The following ACVR2A variants were observed in gnomAD, a reference collection of about 807,000 sequenced individuals.
The protein encoded by ACVR2A is activin receptor type-2A.
In ACVR2A, 7 loss-of-function variants were observed where a neutral mutation model predicts 61.4. The observed-to-expected ratio is 0.11, with a 90% CI of 0.06 to 0.21. The LOEUF (loss-of-function observed/expected upper bound fraction) is 0.21. Ranked by LOEUF, ACVR2A falls within the 10% of genes least tolerant of loss-of-function variation. The pLI, the probability that ACVR2A is intolerant of heterozygous loss-of-function variation, is 1.00. For missense variants in ACVR2A, 322 were observed against 621.7 expected, an observed-to-expected ratio of 0.52 and a Z score of 5.13; for synonymous variants, 193 against 208.3, an observed-to-expected ratio of 0.93 and a Z score of 0.63.
At chr2:147,913,578 T>C (rs1217427566) in intron 4 of ACVR2A, among the ~76,000 whole-genome samples, 1 of 151,852 alleles carries the variant, frequency 6.6e-6, no homozygotes, top group African/African-American at 2.4e-5. Flanking sequence ...TCCACATTCA[T>C]ATAAGCAGTC....
At chr2:147,857,532 T>TA (rs1003153545) in intron 1 of ACVR2A, among the ~76,000 whole-genome samples, 6,444 of 111,252 alleles carry the variant, frequency 0.058, 240 homozygotes, top group African/African-American at 0.13. Flanking sequence ...TGGTTTTCTT[T>TA]AAAAAAAAAA....
intron 1 of ACVR2A, among the ~76,000 whole-genome samples, chr2:147,865,362 AAAGAT>A (rs1226851698): frequency 6.6e-6 from 1 of 152,204 alleles, no homozygotes. Flanking sequence ...TAATTCTCTC[AAAGAT>A]TAAGGATTTT....
chr2:147,862,601 G>T (rs1012756423), intron 1 of ACVR2A, among the ~76,000 whole-genome samples: 2 of 151,922 alleles, frequency 1.3e-5, no homozygotes, highest in African/African-American at 4.8e-5. Context: ...AAAATTAGCC[G>T]GGTGTGGTAG....
intron 1 of ACVR2A, among the ~76,000 whole-genome samples, chr2:147,889,888 A>G (rs1476231695): frequency 6.6e-6 from 1 of 151,756 alleles, no homozygotes; most frequent in Non-Finnish European, 1.5e-5. Flanking sequence ...AGTACTTTGA[A>G]TATAGAACTA....
rs1262093935 is a variant in ACVR2A, at chr2:147,920,233, C to T, written c.966C>T (p.Asp322=). ...GAATACTCTTTTTATTTGCAAGGGACATCAAAAGTAAAAATGTGCTGTTGA... is the reference window on the plus strand; with the variant it reads ...GAATACTCTTTTTATTTGCAAGGGATATCAAAAGTAAAAATGTGCTGTTGA... The part of the protein sequence containing the change: ...DGHKPAISHR[D]IKSKNVLLKN... Residue 322 remains aspartate (D), a synonymous_variant, in exon 8 of 11, where the codon GAC becomes GAT. Coordinates refer to ENST00000241416, the MANE Select transcript of ACVR2A (RefSeq NM_001616.5). The T allele has an allele frequency of 2.5e-6, 4 of 1,606,088 alleles. No homozygotes were observed. Among genetic ancestry groups the T allele is most frequent in the Non-Finnish European group, 3.4e-6 (4 of 1,173,582 alleles).
chr2:147,924,468 A>G (rs1432815591), intron 9 of ACVR2A, among the ~76,000 whole-genome samples: 1 of 151,914 alleles, frequency 6.6e-6, no homozygotes, highest in Non-Finnish European at 1.5e-5. Flanking sequence ...AAATACAAGC[A>G]TGTGTTTTAG....
chr2:147,846,153 G>A (rs1685308567), intron 1 of ACVR2A, among the ~76,000 whole-genome samples: 1 of 152,100 alleles, frequency 6.6e-6, no homozygotes, highest in African/African-American at 2.4e-5. Flanking sequence ...CTAGCTGAAA[G>A]GTGTGCAGAT....
intron 1 of ACVR2A, among the ~76,000 whole-genome samples, chr2:147,877,160 A>G (rs1686178647): frequency 6.6e-6 from 1 of 152,108 alleles, no homozygotes; most frequent in Admixed American, 6.6e-5. Context: ...GTGCCCTATT[A>G]TTTGAACTTT....
chr2:147,871,778 C>T (rs1686025188), intron 1 of ACVR2A, among the ~76,000 whole-genome samples: 1 of 152,018 alleles, frequency 6.6e-6, no homozygotes, highest in African/African-American at 2.4e-5. Flanking sequence ...TTGCCTTCTA[C>T]TCTTTGGGGT....
At chr2:147,912,676 A>G (rs1228891574) in intron 4 of ACVR2A, among the ~76,000 whole-genome samples, 1 of 152,008 alleles carries the variant, frequency 6.6e-6, no homozygotes, top group African/African-American at 2.4e-5. Flanking sequence ...AGATGAATTT[A>G]AAGTTTCATT....
At chr2:147,873,363 A>G (rs898332343) in intron 1 of ACVR2A, among the ~76,000 whole-genome samples, 4 of 152,016 alleles carry the variant, frequency 2.6e-5, no homozygotes, top group Non-Finnish European at 5.9e-5. Flanking sequence ...ATATCATTTC[A>G]ATGCATAATC....
At chr2:147,921,846 ATTAG>A (rs980194263) in intron 8 of ACVR2A, among the ~76,000 whole-genome samples, 1 of 152,142 alleles carries the variant, frequency 6.6e-6, no homozygotes, top group Non-Finnish European at 1.5e-5. Flanking sequence ...GGGTTTTATG[ATTAG>A]TTAAAAATTA....
At chr2:147,845,355 C>CCCCCG in intron 1 of ACVR2A, 148 bp downstream of exon 1, 1 of 531,986 alleles carries the variant, frequency 1.9e-6, no homozygotes, top group Non-Finnish European at 3.1e-6. Context: ...ACCGCCCCCC[C>CCCCCG]CCCCCGCCCC....
At chr2:147,857,398 G>A (rs1225708844) in intron 1 of ACVR2A, among the ~76,000 whole-genome samples, 3 of 152,026 alleles carry the variant, frequency 2.0e-5, no homozygotes, top group African/African-American at 7.2e-5. Context: ...GAGCACAGAA[G>A]AGTAGAGGAG....
intron 1 of ACVR2A, among the ~76,000 whole-genome samples, chr2:147,874,985 T>A (rs1177697942): frequency 6.6e-6 from 1 of 152,002 alleles, no homozygotes; most frequent in Non-Finnish European, 1.5e-5. Flanking sequence ...AAATTTCCTG[T>A]CCACCAAATT....
At chr2:147,895,059 A>G in intron 1 of ACVR2A, among the ~76,000 whole-genome samples, 1 of 152,170 alleles carries the variant, frequency 6.6e-6, no homozygotes, top group South Asian at 2.1e-4. Context: ...GAAAAGATAT[A>G]TGTCATGAAT....
chr2:147,905,810 G>T (rs886091754), intron 4 of ACVR2A, among the ~76,000 whole-genome samples: 1 of 152,106 alleles, frequency 6.6e-6, no homozygotes. Context: ...GACAAGGCCA[G>T]TTGGAGATTG....
intron 4 of ACVR2A, among the ~76,000 whole-genome samples, chr2:147,910,006 G>A (rs1317039070): frequency 6.6e-6 from 1 of 152,006 alleles, no homozygotes; most frequent in African/African-American, 2.4e-5. Flanking sequence ...GACTGTTGCT[G>A]GTGTCTCTTG....
At chr2:147,912,235 C>G (rs1687137660) in intron 4 of ACVR2A, among the ~76,000 whole-genome samples, 1 of 151,854 alleles carries the variant, frequency 6.6e-6, no homozygotes, top group African/African-American at 2.4e-5. Context: ...ACCAGGTTAT[C>G]ATTTCAGTAT....
Sources: allele counts gnomAD v4.1 joint callset (sites outside exome capture counted in the v4.1 genomes callset), GRCh38; gene constraint gnomAD v4.1.1; transcripts MANE v1.5; gene names NCBI Gene and HGNC (gene_info 2026-07-23, HGNC 2026-07-21).